The following AXIN1 variants were observed in gnomAD, a reference collection of about 807,000 sequenced individuals.
AXIN1 encodes axin-1.
A neutral mutation model predicts 76.4 loss-of-function variants in AXIN1; 30 were observed. The ratio of observed to expected loss-of-function variants is 0.39; its 90% confidence interval spans 0.29 to 0.53. AXIN1 has a LOEUF of 0.53. AXIN1 is among the 20% of genes least tolerant of loss of function. AXIN1 has a pLI of 0.66. For synonymous variants in AXIN1, 545 were observed against 501.4 expected (o/e 1.09, Z -1.16); for missense variants, 1,140 against 1,198.8 (o/e 0.95, Z 0.72).
rs2141505354 is a variant in AXIN1, at chr16:297,304, T to C, written c.1785-78A>G. On this transcript the variant is annotated intron_variant, in intron 6 of 10. Coordinates refer to ENST00000262320, the MANE Select transcript of AXIN1 (RefSeq NM_003502.4). Reference sequence around the variant, plus strand: ...CCCCTTCCTCGTCTGCGAGGCCCCCTCCTGGCATCTGTAAGGCTCCCGTGG... The same window carrying C: ...CCCCTTCCTCGTCTGCGAGGCCCCCCCCTGGCATCTGTAAGGCTCCCGTGG... 5.7e-6 allele frequency: 9 copies of C among 1,574,678 alleles called. No individual in the cohort carries two copies. In the East Asian group the frequency reaches 1.3e-4, roughly 24 times the overall value.
chr16:295,680 G>A (rs894289987), intron 7 of AXIN1, among the ~76,000 whole-genome samples: 5 of 152,026 alleles, frequency 3.3e-5, no homozygotes, highest in Non-Finnish European at 5.9e-5. Flanking sequence ...AAAAGGATTC[G>A]GCCGGGCACG....
intron 1 of AXIN1, among the ~76,000 whole-genome samples, chr16:351,287 T>G (rs573015813): frequency 6.9e-6 from 1 of 145,894 alleles, no homozygotes; most frequent in Admixed American, 6.8e-5. Context: ...AACAAGGGGC[T>G]GACATGCACA....
At chr16:294,247 G>A (rs2052647162) in intron 7 of AXIN1, among the ~76,000 whole-genome samples, 1 of 152,060 alleles carries the variant, frequency 6.6e-6, no homozygotes, top group African/African-American at 2.4e-5. Context: ...ATCGCCTGAG[G>A]TCAGGAGTTC....
At chr16:318,889 G>C (rs910891851) in intron 2 of AXIN1, among the ~76,000 whole-genome samples, 17 of 151,910 alleles carry the variant, frequency 1.1e-4, no homozygotes, top group South Asian at 4.1e-4. Flanking sequence ...GCTGTGCAGA[G>C]AGAATGCAGC....
At chr16:341,947 T>C (rs1051965013) in intron 2 of AXIN1, among the ~76,000 whole-genome samples, 11 of 152,190 alleles carry the variant, frequency 7.2e-5, no homozygotes, top group African/African-American at 2.7e-4. Context: ...AGAAGCTTTG[T>C]GTCTAGCTCA....
At chr16:300,574 T>C (rs570010474) in intron 5 of AXIN1, among the ~76,000 whole-genome samples, 114 of 152,266 alleles carry the variant, frequency 7.5e-4, no homozygotes, top group African/African-American at 2.6e-3. Flanking sequence ...AGTATCCAAA[T>C]GCAACTGGAA....
At chr16:341,014 C>G (rs1045204432) in intron 2 of AXIN1, among the ~76,000 whole-genome samples, 1 of 152,210 alleles carries the variant, frequency 6.6e-6, no homozygotes, top group African/African-American at 2.4e-5. Context: ...AAAGTAGCCT[C>G]CAGGACAGAG....
chr16:351,949 G>C (rs1269597371), intron 1 of AXIN1, among the ~76,000 whole-genome samples: 1 of 152,162 alleles, frequency 6.6e-6, no homozygotes, highest in African/African-American at 2.4e-5. Flanking sequence ...TGTTTGGGCA[G>C]CAAGGCATCA....
intron 4 of AXIN1, among the ~76,000 whole-genome samples, chr16:307,103 G>A (rs567732753): frequency 9.8e-5 from 15 of 152,358 alleles, no homozygotes; most frequent in African/African-American, 3.1e-4. Context: ...CACGGCTGCT[G>A]TGTCTGCAGA....
chr16:321,765 T>G (rs112875958), intron 2 of AXIN1, among the ~76,000 whole-genome samples: 7 of 144,756 alleles, frequency 4.8e-5, no homozygotes, highest in Non-Finnish European at 7.7e-5. Context: ...GAAGGTGGAT[T>G]CCAACCCACG....
At chr16:318,035 AG>A (rs1171434951) in intron 2 of AXIN1, among the ~76,000 whole-genome samples, 1 of 151,972 alleles carries the variant, frequency 6.6e-6, no homozygotes, top group African/African-American at 2.4e-5. Context: ...GTGCGTCTGT[AG>A]CCCACAGCAC....
At chr16:306,600 G>A (rs1252591723) in intron 4 of AXIN1, among the ~76,000 whole-genome samples, 1 of 152,214 alleles carries the variant, frequency 6.6e-6, no homozygotes, top group Non-Finnish European at 1.5e-5. Context: ...GGGTGAGACT[G>A]GACACAGGGG....
chr16:317,666 T>C (rs1856885469), intron 2 of AXIN1, among the ~76,000 whole-genome samples: 1 of 152,216 alleles, frequency 6.6e-6, no homozygotes, highest in Non-Finnish European at 1.5e-5. Context: ...TCGTCTCCTC[T>C]CTGTACCTGA....
At chr16:324,705 C>G (rs978472351) in intron 2 of AXIN1, among the ~76,000 whole-genome samples, 19 of 152,228 alleles carry the variant, frequency 1.2e-4, no homozygotes, top group Admixed American at 7.8e-4. Context: ...GGAGGGGCAC[C>G]CCAGGTGAGC....
rs2141703663 is a variant in AXIN1, at chr16:346,475, T to C, written c.551A>G (p.Gln184Arg). Reference sequence around the variant, plus strand: ...AGTGGCCTGGATTTCGGTCTGGGCCTGGTCAAACATGGCAGGATCGATCAG... The same window carrying C: ...AGTGGCCTGGATTTCGGTCTGGGCCCGGTCAAACATGGCAGGATCGATCAG... The part of the protein sequence containing the change: ...KQLIDPAMFD[Q>R]AQTEIQATME... The change falls in exon 2 of 11, where the codon CAG becomes CGG. Residue 184 changes from glutamine (Q) to arginine (R), a missense_variant. Gln to Arg is a conservative substitution (Grantham distance 43, BLOSUM62 1). Around this residue, in one of 3 missense-constraint regions of AXIN1, gnomAD observed 708 missense variants for 776.9 expected, o/e 0.91. Transcript: ENST00000262320. The C allele has an allele frequency of 6.2e-7, 1 of 1,614,230 alleles. No homozygotes were observed.
At chr16:314,808 T>C (rs1314140867) in intron 2 of AXIN1, 125 bp from the exon 3 acceptor site, 1 of 1,422,314 alleles carries the variant, frequency 7.0e-7, no homozygotes, top group Non-Finnish European at 9.6e-7. Context: ...TTGGAGAAAA[T>C]AAGGAGCATG....
At chr16:297,372 CGCTGTCCCCCGCCA>C in intron 6 of AXIN1, 146 bp from the exon 7 acceptor site, 1 of 1,061,194 alleles carries the variant, frequency 9.4e-7, no homozygotes, top group Non-Finnish European at 1.4e-6. Context: ...GTCCCCCACC[CGCTGTCCCCCGCCA>C]GCTTGTCCCC....
intron 2 of AXIN1, among the ~76,000 whole-genome samples, chr16:340,725 C>T (rs1419800782): frequency 6.6e-6 from 1 of 152,230 alleles, no homozygotes. Flanking sequence ...CAGGGAGGAA[C>T]CCCATGAAAC....
In AXIN1 at chr16:297,757, G is replaced by A. The variant is rs138050554; in HGVS notation, c.1749C>T (p.Gly583=). 8.3e-5 allele frequency: 133 copies of A among 1,593,096 alleles called. No individual in the cohort carries two copies. Among genetic ancestry groups the A allele is most frequent in the Middle Eastern group, 1.7e-4 (1 of 5,976 alleles). The change falls in exon 6 of 11, where the codon GGC becomes GGT. Residue 583 remains glycine (G), a synonymous_variant. Transcript: ENST00000262320. ...GGCCATCACTGGCGTTGGGGGCAGC[G>A]CCAACACTCTCTGAGTAGCCTCGGG... The part of the protein sequence containing the change: ...ARSRGYSESV[G]AAPNASDGLA...
Sources: gnomAD v4.1 joint callset for allele counts (sites outside exome capture counted in the v4.1 genomes callset) on GRCh38, gnomAD v4.1.1 for gene constraint, gnomAD v4.1.1 regional missense constraint, MANE v1.5 for transcripts, NCBI Gene and HGNC (gene_info 2026-07-23, HGNC 2026-07-21) for gene names.